The following ATP10B variants were observed in gnomAD, a reference collection of about 807,000 sequenced individuals.
ATP10B encodes ATPase phospholipid transporting 10B (putative).
ATP10B carries 122 observed loss-of-function variants against 141.2 expected under a neutral mutation model. The ratio of observed to expected loss-of-function variants is 0.86; its 90% CI spans 0.75 to 1.00. The LOEUF is 1.00. Ranked by LOEUF, ATP10B falls within the 50% of genes least tolerant of loss-of-function variation. The pLI is 0.00. For synonymous variants in ATP10B, 685 were observed against 692.0 expected, an observed-to-expected ratio of 0.99 and a Z score of 0.16; for missense variants, 1,876 against 1,825.3, an observed-to-expected ratio of 1.03 and a Z score of -0.51.
chr5:160,591,182 A>C (rs754906592), intron 22 of ATP10B, 43 bp from the exon 23 acceptor site: 2 of 1,557,088 alleles, frequency 1.3e-6, no homozygotes, highest in East Asian at 4.5e-5. Flanking sequence ...CCTTATAGCA[A>C]GCCTCTATTC....
chr5:160,857,293 A>T, the ATP10B span, among the ~76,000 whole-genome samples: 13 of 145,154 alleles, frequency 9.0e-5, no homozygotes, highest in East Asian at 2.4e-3. Flanking sequence ...GGTAGTTTGT[A>T]TTTTTTTTTT....
At chr5:160,868,841 G>A in the ATP10B span, among the ~76,000 whole-genome samples, 1 of 152,156 alleles carries the variant, frequency 6.6e-6, no homozygotes, top group Non-Finnish European at 1.5e-5. Context: ...GGGGTCCTCA[G>A]TAGTGGACAA....
chr5:160,879,838 AAAAC>A, the ATP10B span, among the ~76,000 whole-genome samples: 33 of 152,226 alleles, frequency 2.2e-4, no homozygotes, highest in East Asian at 3.3e-3. Flanking sequence ...ACTCCATCCA[AAAAC>A]AAACAAACAA....
intron 2 of ATP10B, among the ~76,000 whole-genome samples, chr5:160,724,995 G>T (rs1005036986): frequency 6.6e-6 from 1 of 152,052 alleles, no homozygotes; most frequent in Non-Finnish European, 1.5e-5. Flanking sequence ...TGTCTGTTTT[G>T]TTCATTGCTT....
the ATP10B span, among the ~76,000 whole-genome samples, chr5:160,887,331 T>C: frequency 6.6e-6 from 1 of 152,196 alleles, no homozygotes; most frequent in African/African-American, 2.4e-5. Flanking sequence ...TAAATAGTTG[T>C]TATACATTAT....
rs2127626538 is a variant in ATP10B, at chr5:160,602,716, A to G, written c.3238-14T>C. The stretch of plus-strand genomic sequence containing the variant: ...GGACATGACAGCCTGAGAGGTGAGA[A>G]CAGACACATCAGCTTCCATCCATGG... On this transcript the variant is annotated splice_polypyrimidine_tract_variant and intron_variant, in intron 20 of 25. Coordinates refer to ENST00000327245, the MANE Select transcript of ATP10B (RefSeq NM_025153.3). The G allele has an allele frequency of 6.2e-7, 1 of 1,613,568 alleles. No homozygotes were observed. Among genetic ancestry groups the G allele is most frequent in the Non-Finnish European group, 8.5e-7 (1 of 1,179,608 alleles).
In ATP10B at chr5:160,565,372, T is replaced by G; in HGVS notation, c.*81A>C. 3.7e-6 allele frequency: 5 copies of G among 1,366,976 alleles called. No individual in the cohort carries two copies. The highest frequency in any genetic ancestry group is 5.1e-6 in the Non-Finnish European group (5 of 980,718). The allele number at this position is 1,366,976 out of a possible 1,614,324, so 84.7% of individuals were successfully genotyped here. The stretch of plus-strand genomic sequence containing the variant: ...AATAAGACTGGCACATTGTTTCCTC[T>G]ATGAAGAAGAAGGGGTCAAGGGTTA... On this transcript the variant is annotated 3_prime_UTR_variant, in exon 26 of 26. Coordinates refer to ENST00000327245, the MANE Select transcript of ATP10B (RefSeq NM_025153.3).
At chr5:160,706,522 G>C (rs568494746) in intron 3 of ATP10B, among the ~76,000 whole-genome samples, 1 of 152,250 alleles carries the variant, frequency 6.6e-6, no homozygotes, top group East Asian at 1.9e-4. Flanking sequence ...AGACACCTTG[G>C]CTCTTGATTT....
intron 1 of ATP10B, among the ~76,000 whole-genome samples, chr5:160,843,481 G>GT (rs910249262): frequency 3.4e-4 from 52 of 151,062 alleles, no homozygotes; most frequent in African/African-American, 1.2e-3. Flanking sequence ...AAGCAAACAC[G>GT]TAAGTTACTA....
chr5:160,920,409 C>G, the ATP10B span, among the ~76,000 whole-genome samples: 447 of 152,314 alleles, frequency 2.9e-3, 5 homozygotes, highest in Admixed American at 8.4e-3. Context: ...ATCTTTCCCA[C>G]CAAGCTTAGA....
rs11365545 is a variant in ATP10B, at chr5:160,746,396, C to CTT, written c.-330-29364_-330-29363dup. Among the ~76,000 whole-genome samples the CTT allele has an allele frequency of 2.6e-3, 376 of 145,432 alleles. 2 individuals carry two copies. Among genetic ancestry groups the CTT allele is most frequent in the African/African-American group, 8.8e-3 (348 of 39,702 alleles). ...GAGGTCTCTTAATTTTCTTTCTTTC[C>CTT]TTTTTTTTTTTTTGAGACTGAGTCT... On this transcript the variant is annotated intron_variant, in intron 2 of 25. Coordinates refer to ENST00000327245, the MANE Select transcript of ATP10B (RefSeq NM_025153.3).
intron 21 of ATP10B, among the ~76,000 whole-genome samples, chr5:160,600,621 G>A (rs1019568802): frequency 6.6e-6 from 1 of 152,136 alleles, no homozygotes; most frequent in African/African-American, 2.4e-5. Context: ...GAGTTTCAGC[G>A]TTACAGAGTG....
intron 2 of ATP10B, among the ~76,000 whole-genome samples, chr5:160,774,664 G>T (rs978607095): frequency 6.6e-6 from 1 of 152,104 alleles, no homozygotes; most frequent in Non-Finnish European, 1.5e-5. Context: ...AGGACTTATT[G>T]CTTTAGATTT....
chr5:160,673,725 C>T (rs779911751), intron 6 of ATP10B, among the ~76,000 whole-genome samples: 21 of 91,146 alleles, frequency 2.3e-4, no homozygotes, highest in Non-Finnish European at 5.7e-4. Context: ...ACTAAGAGTG[C>T]CATTGTAACA....
At chr5:160,824,830 T>A (rs181915741) in intron 1 of ATP10B, among the ~76,000 whole-genome samples, 2 of 152,228 alleles carry the variant, frequency 1.3e-5, no homozygotes, top group Non-Finnish European at 2.9e-5. Context: ...TTCAATTGCA[T>A]GTGAGAAGGC....
At chr5:160,714,944 G>A (rs1370827178) in intron 3 of ATP10B, among the ~76,000 whole-genome samples, 3 of 132,448 alleles carry the variant, frequency 2.3e-5, no homozygotes, top group Admixed American at 1.5e-4. Flanking sequence ...AGGGGTCAGG[G>A]ACCCACTTGA....
At chr5:160,683,048 A>ACC (rs1172212722) in intron 6 of ATP10B, among the ~76,000 whole-genome samples, 2 of 150,388 alleles carry the variant, frequency 1.3e-5, no homozygotes, top group Non-Finnish European at 1.5e-5. Flanking sequence ...CCCAAAAAAA[A>ACC]AAAAAAAAAA....
intron 2 of ATP10B, among the ~76,000 whole-genome samples, chr5:160,740,141 T>C (rs1767366755): frequency 6.6e-6 from 1 of 152,240 alleles, no homozygotes; most frequent in African/African-American, 2.4e-5. Flanking sequence ...AGGTAGGATA[T>C]CCACTTTTAA....
At chr5:160,778,428 A>G (rs1770489786) in intron 2 of ATP10B, among the ~76,000 whole-genome samples, 1 of 152,218 alleles carries the variant, frequency 6.6e-6, no homozygotes. Flanking sequence ...ACTCCTACTC[A>G]TTCAGTATTT....
Sources: gnomAD v4.1 joint callset for allele counts (sites outside exome capture counted in the v4.1 genomes callset) on GRCh38, gnomAD v4.1.1 for gene constraint, MANE v1.5 for transcripts, NCBI Gene and HGNC (gene_info 2026-07-23, HGNC 2026-07-21) for gene names.